Variants in ZNF892 observed in about 807,000 individuals in gnomAD.
ZNF892 encodes the protein zinc finger protein 570-like.
chr2:95,207,669 G>A, the ZNF892 span: 1 of 396,290 alleles, frequency 2.5e-6, no homozygotes, highest in Non-Finnish European at 4.4e-6. Flanking sequence ...TGAGTGTCCG[G>A]GAGGAGGGTG....
chr2:95,258,612 C>T, the ZNF892 span, among the ~76,000 whole-genome samples: 8 of 152,202 alleles, frequency 5.3e-5, no homozygotes, highest in Admixed American at 1.3e-4. Context: ...GGACAAAGAA[C>T]GAGGGAGTTG....
At chr2:95,244,499 A>C in the ZNF892 span, among the ~76,000 whole-genome samples, 1 of 152,146 alleles carries the variant, frequency 6.6e-6, no homozygotes, top group Non-Finnish European at 1.5e-5. Flanking sequence ...AAGAGCTATT[A>C]TAAATATATA....
chr2:95,257,836 C>T, the ZNF892 span, among the ~76,000 whole-genome samples: 98 of 152,272 alleles, frequency 6.4e-4, 1 homozygote, highest in African/African-American at 1.9e-3. Context: ...TAGCAATGAG[C>T]GAGGCTCCGT....
At chr2:95,216,932 T>G in the ZNF892 span, among the ~76,000 whole-genome samples, 1 of 152,216 alleles carries the variant, frequency 6.6e-6, no homozygotes, top group African/African-American at 2.4e-5. Context: ...CATTTTTTCT[T>G]GAGGATTTTT....
At chr2:95,232,008 G>A in the ZNF892 span, 1 of 152,110 alleles carries the variant, frequency 6.6e-6, no homozygotes, top group Non-Finnish European at 1.5e-5. Flanking sequence ...TATATCTGGG[G>A]CACAAATGTG....
the ZNF892 span, among the ~76,000 whole-genome samples, chr2:95,225,588 T>C: frequency 6.6e-6 from 1 of 152,240 alleles, no homozygotes; most frequent in African/African-American, 2.4e-5. Context: ...AATTTCAACA[T>C]GAGTTTTGGA....
chr2:95,219,100 G>T, the ZNF892 span, among the ~76,000 whole-genome samples: 1 of 152,016 alleles, frequency 6.6e-6, no homozygotes, highest in Non-Finnish European at 1.5e-5. Context: ...CCAGGTTCAC[G>T]CCATTCTCCT....
chr2:95,248,857 C>T, the ZNF892 span, among the ~76,000 whole-genome samples: 1 of 152,030 alleles, frequency 6.6e-6, no homozygotes, highest in Non-Finnish European at 1.5e-5. Context: ...TATTTTAGGA[C>T]AAAATTACTC....
At chr2:95,228,282 G>A in the ZNF892 span, among the ~76,000 whole-genome samples, 1 of 152,208 alleles carries the variant, frequency 6.6e-6, no homozygotes, top group East Asian at 1.9e-4. Flanking sequence ...AATGACAGGA[G>A]GGCTGGGCTT....
the ZNF892 span, among the ~76,000 whole-genome samples, chr2:95,250,674 A>C: frequency 5.8e-3 from 818 of 140,730 alleles, 10 homozygotes; most frequent in African/African-American, 0.02. Context: ...TAAATTTATA[A>C]ATATAAACTA....
At chr2:95,214,211 A>G in the ZNF892 span, 2 of 396,110 alleles carry the variant, frequency 5.0e-6, no homozygotes, top group African/African-American at 2.1e-5. Context: ...TTTCAAGTTC[A>G]TGTGTTCCCT....
At chr2:95,258,761 G>A in the ZNF892 span, among the ~76,000 whole-genome samples, 1 of 152,162 alleles carries the variant, frequency 6.6e-6, no homozygotes, top group Admixed American at 6.5e-5. Context: ...GAGCAAATGG[G>A]GCATCTTAAC....
At chr2:95,210,731 A>G in the ZNF892 span, among the ~76,000 whole-genome samples, 6 of 152,146 alleles carry the variant, frequency 3.9e-5, no homozygotes, top group African/African-American at 1.4e-4. Context: ...AGGCTGCTTC[A>G]GTGAGCAAAA....
the ZNF892 span, among the ~76,000 whole-genome samples, chr2:95,219,439 C>T: frequency 2.0e-5 from 3 of 152,134 alleles, no homozygotes; most frequent in Admixed American, 2.0e-4. Flanking sequence ...TGTTCTGTTT[C>T]CTTGCTGAGA....
the ZNF892 span, among the ~76,000 whole-genome samples, chr2:95,245,454 G>GGC: frequency 1.1e-5 from 1 of 94,964 alleles, no homozygotes; most frequent in African/African-American, 4.2e-5. Flanking sequence ...AGACGGCGGG[G>GGC]GGGGGGGGGT....
chr2:95,257,556 C>T, the ZNF892 span, among the ~76,000 whole-genome samples: 1 of 152,234 alleles, frequency 6.6e-6, no homozygotes, highest in East Asian at 1.9e-4. Flanking sequence ...ATTCTCGGAT[C>T]TCCAGCTGCA....
At chr2:95,223,461 C>T in the ZNF892 span, among the ~76,000 whole-genome samples, 1 of 152,066 alleles carries the variant, frequency 6.6e-6, no homozygotes, top group Non-Finnish European at 1.5e-5. Context: ...AGTGGTGGTG[C>T]GATTTTGGCT....
At chr2:95,256,325 T>TTA in the ZNF892 span, among the ~76,000 whole-genome samples, 1 of 152,208 alleles carries the variant, frequency 6.6e-6, no homozygotes, top group Non-Finnish European at 1.5e-5. Flanking sequence ...TCTCCTTCAC[T>TTA]TATGAAGCTT....
At chr2:95,246,924 A>G in the ZNF892 span, among the ~76,000 whole-genome samples, 2 of 152,352 alleles carry the variant, frequency 1.3e-5, no homozygotes, top group East Asian at 3.9e-4. Context: ...AAAAATGGCC[A>G]TACTGCCCAA....
Sources: allele counts gnomAD v4.1 joint callset (sites outside exome capture counted in the v4.1 genomes callset), GRCh38; gene constraint gnomAD v4.1.1; transcripts MANE v1.5; gene names NCBI Gene and HGNC (gene_info 2026-07-23, HGNC 2026-07-21).